The following SYNCRIP variants were observed in gnomAD, a reference collection of about 807,000 sequenced individuals.
The protein encoded by SYNCRIP is heterogeneous nuclear ribonucleoprotein Q.
In SYNCRIP, 9 loss-of-function variants were observed where a neutral mutation model predicts 68.9. That is an observed-to-expected ratio of 0.13 (90% CI 0.08 to 0.23). The LOEUF (loss-of-function observed/expected upper bound fraction) is 0.23. Among genes scored for constraint, SYNCRIP ranks in the 10% least tolerant of loss-of-function variants. SYNCRIP has a pLI of 1.00. For synonymous variants in SYNCRIP, 258 were observed against 254.0 expected, an observed-to-expected ratio of 1.02 and a Z score of -0.15; for missense variants, 414 against 770.6, an observed-to-expected ratio of 0.54 and a Z score of 5.48.
chr6:85,626,946 A>G (rs1258343894), intron 6 of SYNCRIP, among the ~76,000 whole-genome samples: 6 of 152,160 alleles, frequency 3.9e-5, no homozygotes, highest in Non-Finnish European at 8.8e-5. Flanking sequence ...TAAACTGCTG[A>G]TTCCTCCCTA....
At chr6:85,633,261 CAAAT>C (rs111489467) in intron 6 of SYNCRIP, among the ~76,000 whole-genome samples, 26,218 of 130,420 alleles carry the variant, frequency 0.2, 4,474 homozygotes, top group African/African-American at 0.52. Flanking sequence ...ATCTCAAAAA[CAAAT>C]AAATAAATAA....
intron 8 of SYNCRIP, among the ~76,000 whole-genome samples, chr6:85,620,053 C>T (rs1252237065): frequency 6.6e-6 from 1 of 152,134 alleles, no homozygotes; most frequent in African/African-American, 2.4e-5. Context: ...TCGAGACCAG[C>T]CTGGCCAACA....
At chr6:85,642,356 T>A (rs941732399) in intron 1 of SYNCRIP, among the ~76,000 whole-genome samples, 4 of 152,056 alleles carry the variant, frequency 2.6e-5, no homozygotes, top group African/African-American at 9.7e-5. Context: ...TTCCGTGCAG[T>A]GACTGCGACG....
intron 4 of SYNCRIP, among the ~76,000 whole-genome samples, chr6:85,639,969 T>C (rs539320518): frequency 6.6e-6 from 1 of 152,326 alleles, no homozygotes; most frequent in East Asian, 1.9e-4. Flanking sequence ...AGAGGTATCA[T>C]GGGTGTGTTT....
chr6:85,619,240 T>C, intron 9 of SYNCRIP, 28 bp downstream of exon 9: 8 of 1,610,712 alleles, frequency 5.0e-6, no homozygotes, highest in Non-Finnish European at 6.8e-6. Flanking sequence ...TAGTCTGATT[T>C]AGATGCCTGT....
chr6:85,622,360 AAG>A, intron 8 of SYNCRIP, 120 bp downstream of exon 8: 1 of 957,736 alleles, frequency 1.0e-6, no homozygotes, highest in Non-Finnish European at 1.6e-6. Context: ...CATGGGAAAC[AAG>A]AGACTCTTGT....
At chr6:85,640,838 T>TC (rs1562117159) in intron 2 of SYNCRIP, among the ~76,000 whole-genome samples, 6 of 152,186 alleles carry the variant, frequency 3.9e-5, no homozygotes, top group Admixed American at 3.3e-4. Flanking sequence ...TTTTACAGTA[T>TC]ACAGACTTAC....
At chr6:85,617,336 A>T (rs1283780220) in intron 10 of SYNCRIP, among the ~76,000 whole-genome samples, 1 of 152,212 alleles carries the variant, frequency 6.6e-6, no homozygotes, top group Non-Finnish European at 1.5e-5. Flanking sequence ...CCCTCTATCA[A>T]GTACCAAATG....
At position 85,614,899 on chromosome 6, in the gene SYNCRIP, G is replaced by A. The variant is rs1335249487; in HGVS notation, c.1729C>T (p.Arg577Trp). 1.2e-6 allele frequency: 2 copies of A among 1,614,162 alleles called. No individual in the cohort carries two copies. Among genetic ancestry groups the A allele is most frequent in the Non-Finnish European group, 1.7e-6 (2 of 1,180,028 alleles). ...CAGTTCTGATTATTGGTCTGGCGCC[G>A]CTTGGAATCTGGCTGGTTGTACCCA... is the stretch of plus-strand genomic sequence containing the variant. ...ADGYNQPDSK[R>W]RQTNNQNWGS... The change falls in exon 11 of 11, where the codon CGG becomes TGG. Residue 577 changes from arginine to tryptophan, a missense_variant. Arg to Trp is a moderately radical substitution (Grantham distance 101, BLOSUM62 -3). Around this residue, in one of 6 missense-constraint regions of SYNCRIP, gnomAD observed 130 missense variants for 149.0 expected, o/e 0.87. Coordinates refer to ENST00000369622, the MANE Select transcript of SYNCRIP (RefSeq NM_006372.5).
exon 12 of SYNCRIP, chr6:85,608,898 CA>C (rs1265553914): frequency 6.6e-6 from 1 of 151,916 alleles, no homozygotes; most frequent in Admixed American, 6.6e-5. Flanking sequence ...TGACAGACCC[CA>C]AAAGTCCATC....
intron 6 of SYNCRIP, among the ~76,000 whole-genome samples, chr6:85,635,455 G>T (rs1808328445): frequency 6.6e-6 from 1 of 151,996 alleles, no homozygotes; most frequent in South Asian, 2.1e-4. Flanking sequence ...AAACCAGTGG[G>T]GAATATTCAC....
At chr6:85,617,181 G>A (rs1303108020) in intron 10 of SYNCRIP, among the ~76,000 whole-genome samples, 2 of 148,834 alleles carry the variant, frequency 1.3e-5, no homozygotes. Context: ...GTAGGAATAC[G>A]TGCTTAGTTA....
intron 8 of SYNCRIP, among the ~76,000 whole-genome samples, chr6:85,621,547 G>A (rs940856317): frequency 6.7e-6 from 1 of 149,434 alleles, no homozygotes; most frequent in Non-Finnish European, 1.5e-5. Flanking sequence ...TGGGGCTACA[G>A]TCAGCTATGA....
At chr6:85,636,152 A>G (rs1295955799) in intron 6 of SYNCRIP, among the ~76,000 whole-genome samples, 3 of 152,164 alleles carry the variant, frequency 2.0e-5, no homozygotes, top group Non-Finnish European at 4.4e-5. Flanking sequence ...AAAATATTAA[A>G]ATTTCTTTCT....
chr6:85,639,448 T>A (rs1397308444), intron 4 of SYNCRIP, among the ~76,000 whole-genome samples: 1 of 152,210 alleles, frequency 6.6e-6, no homozygotes, highest in Non-Finnish European at 1.5e-5. Flanking sequence ...CATGGTTGTC[T>A]TAAACAGCTA....
intron 7 of SYNCRIP, among the ~76,000 whole-genome samples, 159 bp from the exon 8 acceptor site, chr6:85,622,846 G>A (rs551501113): frequency 9.1e-4 from 139 of 152,182 alleles, no homozygotes; most frequent in Non-Finnish European, 1.7e-3. Context: ...AACTAGGTCC[G>A]GATTATTTTC....
intron 6 of SYNCRIP, among the ~76,000 whole-genome samples, chr6:85,636,161 C>T (rs983010477): frequency 2.0e-5 from 3 of 152,146 alleles, no homozygotes; most frequent in Non-Finnish European, 2.9e-5. Flanking sequence ...AAATTTCTTT[C>T]TAGCCAGGCG....
intron 6 of SYNCRIP, among the ~76,000 whole-genome samples, chr6:85,632,170 A>AC (rs1807870564): frequency 6.6e-6 from 1 of 152,224 alleles, no homozygotes; most frequent in Admixed American, 6.5e-5. Context: ...GTACTATTTA[A>AC]CCTAGAGAAA....
chr6:85,614,734 T>C lies in SYNCRIP; in HGVS notation c.*22A>G, dbSNP rs369036570. The C allele has an allele frequency of 3.9e-6, 6 of 1,547,916 alleles. No individual in the cohort carries two copies. In the African/African-American group the frequency reaches 8.3e-5, roughly 21 times the overall value. ...TTCTGATCAACCTATCAGTCTCCAA[T>C]TTTACAGAGGCCCTACTGTTTCTAC... On this transcript the variant is annotated 3_prime_UTR_variant, in exon 11 of 11. Coordinates refer to ENST00000369622, the MANE Select transcript of SYNCRIP (RefSeq NM_006372.5).
Sources: gnomAD v4.1 joint callset for allele counts (sites outside exome capture counted in the v4.1 genomes callset) on GRCh38, gnomAD v4.1.1 for gene constraint, gnomAD v4.1.1 regional missense constraint, MANE v1.5 for transcripts, NCBI Gene and HGNC (gene_info 2026-07-23, HGNC 2026-07-21) for gene names.